Variants in GAD2 observed in about 807,000 individuals in gnomAD.
GAD2 encodes 65 kDa glutamic acid decarboxylase.
GAD2 carries 22 observed loss-of-function variants against 80.1 expected under a neutral mutation model. That is an observed-to-expected ratio of 0.27 (90% CI 0.20 to 0.39). The LOEUF (loss-of-function observed/expected upper bound fraction) is 0.39, where lower values mean the gene tolerates loss of function less well. Ranked by LOEUF, GAD2 falls within the 10% of genes least tolerant of loss-of-function variation. The probability of loss-of-function intolerance (pLI) is 1.00; values close to 1 mark genes in which losing one functional copy is unlikely to be tolerated. For missense variants in GAD2, 624 were observed against 738.4 expected, an observed-to-expected ratio of 0.85 and a Z score of 1.80; for synonymous variants, 274 against 256.9, an observed-to-expected ratio of 1.07 and a Z score of -0.64.
rs1247325298 is a variant in GAD2 at position 26,217,470 on chromosome 10, G to A, written c.77-140G>A. 3.6e-6 allele frequency: 3 copies of A among 835,122 alleles called. No homozygotes were observed. The highest frequency in any genetic ancestry group is 1.7e-5 in the African/African-American group (1 of 59,500). The allele number at this position is 835,122 out of a possible 1,614,324, so 51.7% of individuals were successfully genotyped here. ...GCCTTCTGCACCTGCCGGCCTCACC[G>A]AGTCCTGAGCGGCCCCCAGGAGGAA... On this transcript the variant is annotated intron_variant, in intron 1 of 15. Coordinates refer to ENST00000376261, the MANE Select transcript of GAD2 (RefSeq NM_001134366.2). The surrounding 1 kb of genome is among the most constrained non-coding windows in gnomAD (Gnocchi z 4.9).
chr10:26,257,936 G>A (rs1207695125), intron 8 of GAD2, among the ~76,000 whole-genome samples: 1 of 152,228 alleles, frequency 6.6e-6, no homozygotes, highest in Non-Finnish European at 1.5e-5. Context: ...ACTTCACAGA[G>A]ACACCGAATC....
At chr10:26,253,572 A>G (rs989061241) in intron 8 of GAD2, among the ~76,000 whole-genome samples, 2 of 152,230 alleles carry the variant, frequency 1.3e-5, no homozygotes, top group African/African-American at 4.8e-5. Flanking sequence ...GAAAATTTCT[A>G]TTGTATGGAT....
chr10:26,273,097 C>T (rs750319754), intron 10 of GAD2, among the ~76,000 whole-genome samples: 17 of 152,106 alleles, frequency 1.1e-4, no homozygotes, highest in African/African-American at 2.7e-4. Context: ...ATTGTTAAGA[C>T]GTGTTCTAAC....
intron 7 of GAD2, among the ~76,000 whole-genome samples, chr10:26,234,129 G>C (rs763846433): frequency 6.6e-6 from 1 of 152,024 alleles, no homozygotes; most frequent in African/African-American, 2.4e-5. Context: ...TTTGAGACCA[G>C]CCTGGCCAAC....
intron 11 of GAD2, among the ~76,000 whole-genome samples, chr10:26,280,771 A>C (rs964723716): frequency 6.6e-6 from 1 of 152,190 alleles, no homozygotes; most frequent in Non-Finnish European, 1.5e-5. Flanking sequence ...TACAGTGGTC[A>C]CTATTTGGGT....
chr10:26,233,033 A>G (rs1844625515), intron 7 of GAD2, among the ~76,000 whole-genome samples: 4 of 146,838 alleles, frequency 2.7e-5, no homozygotes. Context: ...ATATCTGACT[A>G]CTATTTGACA....
intron 8 of GAD2, among the ~76,000 whole-genome samples, chr10:26,248,846 G>C (rs747834600): frequency 1.3e-5 from 2 of 152,152 alleles, no homozygotes; most frequent in South Asian, 4.1e-4. Context: ...TTTGGGGCAA[G>C]GAGAGCTAAA....
intron 15 of GAD2, among the ~76,000 whole-genome samples, chr10:26,300,528 A>G (rs7906659): frequency 1.3e-5 from 2 of 152,196 alleles, no homozygotes; most frequent in Non-Finnish European, 2.9e-5. Context: ...CCAAAACACT[A>G]ACTGGAAAGT....
In GAD2 at chr10:26,217,920, C is replaced by T. The variant is rs373957704; in HGVS notation, c.215C>T (p.Ala72Val). 9.9e-6 allele frequency: 16 copies of T among 1,611,330 alleles called. No homozygotes were observed. The highest frequency in any genetic ancestry group is 1.2e-5 in the Non-Finnish European group (14 of 1,179,136). Residue 72 changes from alanine to valine, a missense_variant, in exon 3 of 16, where the codon GCC (alanine) becomes GTC (valine). Transcript: ENST00000376261. The surrounding 1 kb of genome is among the most constrained non-coding windows in gnomAD (Gnocchi z 4.9). The stretch of plus-strand genomic sequence containing the variant: ...CCGCGGGCCGCCGCCCGGAAGGCCG[C>T]CTGCGCCTGCGACCAGAAGCCCTGC... Reference protein sequence around the residue: ...QPPRAAARKAACACDQKPCSC... With the variant: ...QPPRAAARKAVCACDQKPCSC...
intron 7 of GAD2, among the ~76,000 whole-genome samples, chr10:26,245,020 G>A (rs1427216712): frequency 2.0e-5 from 3 of 151,998 alleles, no homozygotes; most frequent in African/African-American, 7.2e-5. Context: ...AGGCATGGTG[G>A]TGGGCACCTG....
At chr10:26,270,253 G>A (rs1197206827) in intron 9 of GAD2, among the ~76,000 whole-genome samples, 1 of 152,102 alleles carries the variant, frequency 6.6e-6, no homozygotes, top group Non-Finnish European at 1.5e-5. Flanking sequence ...TCACTCTAGG[G>A]GATTTATGAA....
intron 10 of GAD2, among the ~76,000 whole-genome samples, chr10:26,273,346 A>G (rs953565655): frequency 6.6e-6 from 1 of 152,234 alleles, no homozygotes; most frequent in African/African-American, 2.4e-5. Context: ...ACATGACTTC[A>G]TGAGGACTAA....
chr10:26,263,032 C>A (rs1019689739), intron 8 of GAD2, among the ~76,000 whole-genome samples: 1 of 152,134 alleles, frequency 6.6e-6, no homozygotes, highest in Non-Finnish European at 1.5e-5. Flanking sequence ...AAAATATCTC[C>A]TTACCATATC....
At chr10:26,295,508 G>A (rs969909243) in intron 15 of GAD2, among the ~76,000 whole-genome samples, 5 of 133,902 alleles carry the variant, frequency 3.7e-5, no homozygotes, top group South Asian at 2.6e-4. Flanking sequence ...TCATACGCAT[G>A]CACACACACA....
At chr10:26,267,537 C>T (rs1242270538) in intron 8 of GAD2, among the ~76,000 whole-genome samples, 3 of 152,166 alleles carry the variant, frequency 2.0e-5, no homozygotes, top group African/African-American at 7.2e-5. Context: ...AGAAGTTCCC[C>T]AAAGGTAGGC....
At position 26,237,412 on chromosome 10, in the gene GAD2, C is replaced by T. The variant is rs78267671; in HGVS notation, c.840+7635C>T. On this transcript the variant is annotated intron_variant, in intron 7 of 15. Transcript: ENST00000376261. ...AATGGGGATGATGATACCCAGCTCCCGTAGCTGTGGGGAGGATGAAGCAAG... is the reference window on the plus strand; with the variant it reads ...AATGGGGATGATGATACCCAGCTCCTGTAGCTGTGGGGAGGATGAAGCAAG... Among the ~76,000 whole-genome samples the T allele has an allele frequency of 5.0e-3, 766 of 152,134 alleles. 4 individuals carry two copies. Among genetic ancestry groups the T allele is most frequent in the African/African-American group, 0.016 (676 of 41,484 alleles).
intron 4 of GAD2, among the ~76,000 whole-genome samples, chr10:26,222,665 C>T (rs1467573393): frequency 1.3e-5 from 2 of 152,242 alleles, no homozygotes; most frequent in Non-Finnish European, 2.9e-5. Flanking sequence ...AATAGATACA[C>T]AAGTCCTGAT....
intron 15 of GAD2, among the ~76,000 whole-genome samples, chr10:26,294,287 C>T (rs1332134239): frequency 1.3e-5 from 2 of 152,206 alleles, no homozygotes; most frequent in Admixed American, 6.5e-5. Flanking sequence ...GTTCCTTCTA[C>T]GTAAAATGAA....
chr10:26,299,631 A>T (rs1171943579), intron 15 of GAD2, among the ~76,000 whole-genome samples: 7 of 152,222 alleles, frequency 4.6e-5, no homozygotes, highest in Non-Finnish European at 1.0e-4. Context: ...ACAACAACAA[A>T]AACAGTAGAA....
Sources: gnomAD v4.1 joint callset for allele counts (sites outside exome capture counted in the v4.1 genomes callset) on GRCh38, gnomAD v4.1.1 for gene constraint, Gnocchi (gnomAD v3.1) non-coding constraint, MANE v1.5 for transcripts, NCBI Gene and HGNC (gene_info 2026-07-23, HGNC 2026-07-21) for gene names.